Variants in GLRA2 observed in about 807,000 individuals in gnomAD.
The protein encoded by GLRA2 is glycine receptor alpha 2, also known as glycine receptor subunit alpha-2.
Under a neutral mutation model 31.6 loss-of-function variants are expected in GLRA2, and 11 were observed. The ratio of observed to expected loss-of-function variants is 0.35; its 90% CI spans 0.22 to 0.58. The LOEUF is 0.58. GLRA2 is among the 20% of genes least tolerant of loss of function. The pLI is 0.84. For missense variants in GLRA2, 212 were observed against 351.8 expected, an observed-to-expected ratio of 0.60 and a Z score of 3.18; for synonymous variants, 132 against 134.0, an observed-to-expected ratio of 0.99 and a Z score of 0.10.
chrX:14,657,351 C>G (rs999549866), intron 7 of GLRA2, among the ~76,000 whole-genome samples: 1 of 112,190 alleles, frequency 8.9e-6, no homozygotes, highest in African/African-American at 3.2e-5. Flanking sequence ...AGACCAAACA[C>G]ATACAGAGAT....
intron 2 of GLRA2, among the ~76,000 whole-genome samples, chrX:14,538,754 G>A (rs906868228): frequency 9.0e-6 from 1 of 111,693 alleles, no homozygotes; most frequent in Non-Finnish European, 1.9e-5. Context: ...TTTAACTGAA[G>A]ATAATATGAC....
In GLRA2 at chrX:14,700,717, C is replaced by T. The variant is rs769836361; in HGVS notation, c.1080+9858C>T. On this transcript the variant is annotated intron_variant, in intron 8 of 8. Transcript: ENST00000218075. ...AGGAAGTGAGGACATTGAATGCAGC[C>T]ATTTTATCCAAGAAAAAGAGGCAGA... Among the ~76,000 whole-genome samples, 3 of 110,052 alleles carry T rather than the reference C, an allele frequency of 2.7e-5. No homozygotes were observed. The South Asian group carries it at 1.2e-3, about 44-fold the overall frequency.
intron 8 of GLRA2, among the ~76,000 whole-genome samples, chrX:14,720,027 A>G (rs1311751071): frequency 8.9e-6 from 1 of 111,735 alleles, no homozygotes; most frequent in Non-Finnish European, 1.9e-5. Context: ...AGTGGTTACT[A>G]GAGGAAGAGA....
chrX:14,470,432 AT>A, the GLRA2 span, among the ~76,000 whole-genome samples: 1 of 111,938 alleles, frequency 8.9e-6, no homozygotes, highest in Non-Finnish European at 1.9e-5. Flanking sequence ...ATGATTATAT[AT>A]CTTTAATTTG....
intron 8 of GLRA2, among the ~76,000 whole-genome samples, chrX:14,699,657 C>T (rs1168833297): frequency 1.8e-5 from 2 of 111,582 alleles, no homozygotes; most frequent in Non-Finnish European, 3.8e-5. Context: ...CAATAGAAGA[C>T]CAGAACTTAT....
chrX:14,515,796 C>T, the GLRA2 span, among the ~76,000 whole-genome samples: 1 of 111,509 alleles, frequency 9.0e-6, no homozygotes, highest in South Asian at 3.7e-4. Context: ...GGCTCTTACT[C>T]ATGAGGTCCT....
At chrX:14,501,183 T>C in the GLRA2 span, among the ~76,000 whole-genome samples, 6 of 111,140 alleles carry the variant, frequency 5.4e-5, no homozygotes, top group Non-Finnish European at 9.4e-5. Flanking sequence ...GACACAGTAA[T>C]GATCTATCAC....
the GLRA2 span, among the ~76,000 whole-genome samples, chrX:14,466,720 A>G: frequency 8.9e-6 from 1 of 112,252 alleles, no homozygotes; most frequent in Non-Finnish European, 1.9e-5. Context: ...GTACAGAGTC[A>G]CACATATCAC....
At chrX:14,641,261 C>T (rs1331214431) in intron 7 of GLRA2, among the ~76,000 whole-genome samples, 1 of 111,578 alleles carries the variant, frequency 9.0e-6, no homozygotes, top group Non-Finnish European at 1.9e-5. Context: ...TCCAAGTACT[C>T]TATGTTGAGT....
chrX:14,509,531 T>G, the GLRA2 span, among the ~76,000 whole-genome samples: 1 of 112,644 alleles, frequency 8.9e-6, no homozygotes, highest in African/African-American at 3.2e-5. Context: ...ACTCATAAAC[T>G]CAGAGTTCCT....
upstream of GLRA2, among the ~76,000 whole-genome samples, chrX:14,528,364 A>G (rs2089207346): frequency 8.9e-6 from 1 of 112,480 alleles, no homozygotes; most frequent in Non-Finnish European, 1.9e-5. Context: ...TTAGTCATTT[A>G]CGGAGTAAAA....
At chrX:14,456,782 A>C in the GLRA2 span, among the ~76,000 whole-genome samples, 32 of 112,087 alleles carry the variant, frequency 2.9e-4, no homozygotes, top group African/African-American at 1.0e-3. Context: ...GATTAATTCT[A>C]TGTCTTGGCT....
intron 7 of GLRA2, among the ~76,000 whole-genome samples, chrX:14,635,998 C>T (rs1197679145): frequency 9.0e-6 from 1 of 111,130 alleles, no homozygotes; most frequent in Non-Finnish European, 1.9e-5. Flanking sequence ...AACACAGGAG[C>T]CAACTGAATG....
chrX:14,493,817 C>T, the GLRA2 span, among the ~76,000 whole-genome samples: 1 of 100,821 alleles, frequency 9.9e-6, no homozygotes, highest in African/African-American at 3.6e-5. Flanking sequence ...GTTCTAGAAC[C>T]CCATCATTTT....
At chrX:14,505,360 T>C in the GLRA2 span, among the ~76,000 whole-genome samples, 2 of 111,936 alleles carry the variant, frequency 1.8e-5, no homozygotes, top group African/African-American at 6.5e-5. Flanking sequence ...TGGCACTTTC[T>C]TGGCTTTAGC....
intron 4 of GLRA2, among the ~76,000 whole-genome samples, chrX:14,592,091 T>C (rs972507550): frequency 3.6e-5 from 4 of 111,499 alleles, no homozygotes; most frequent in Non-Finnish European, 7.5e-5. Context: ...AGACCAAGTA[T>C]GAGGCTCCTT....
At chrX:14,556,150 A>G (rs930322220) in intron 2 of GLRA2, among the ~76,000 whole-genome samples, 1 of 111,913 alleles carries the variant, frequency 8.9e-6, no homozygotes, top group African/African-American at 3.2e-5. Flanking sequence ...ATGTGTGTGT[A>G]TCCTATCAGC....
intron 3 of GLRA2, among the ~76,000 whole-genome samples, chrX:14,577,600 G>A (rs2089970940): frequency 1.8e-5 from 2 of 111,828 alleles, no homozygotes; most frequent in Admixed American, 9.5e-5. Context: ...ACTCTATTTG[G>A]GTTACAGACT....
At chrX:14,622,201 T>C (rs1226773330) in intron 7 of GLRA2, among the ~76,000 whole-genome samples, 1 of 112,082 alleles carries the variant, frequency 8.9e-6, no homozygotes, top group Admixed American at 9.4e-5. Flanking sequence ...CACTTGTTGA[T>C]GGGGTTGTTT....
Sources: gnomAD v4.1 joint callset for allele counts (sites outside exome capture counted in the v4.1 genomes callset) on GRCh38, gnomAD v4.1.1 for gene constraint, MANE v1.5 for transcripts, NCBI Gene and HGNC (gene_info 2026-07-23, HGNC 2026-07-21) for gene names.